The following DPY19L1 variants were observed in gnomAD, a reference collection of about 807,000 sequenced individuals.
The protein encoded by DPY19L1 is protein C-mannosyl-transferase DPY19L1.
In DPY19L1, 35 loss-of-function variants were observed where a neutral mutation model predicts 96.9. The observed-to-expected ratio is 0.36, with a 90% confidence interval of 0.28 to 0.48. The LOEUF is 0.48. Ranked by LOEUF, DPY19L1 falls within the 20% of genes least tolerant of loss-of-function variation. The pLI is 0.99. For synonymous variants in DPY19L1, 205 were observed against 252.6 expected (o/e 0.81, Z 1.79); for missense variants, 521 against 777.9 (o/e 0.67, Z 3.93).
At chr7:35,008,493 A>T (rs1440208889) in intron 6 of DPY19L1, among the ~76,000 whole-genome samples, 1 of 152,204 alleles carries the variant, frequency 6.6e-6, no homozygotes, top group Non-Finnish European at 1.5e-5. Context: ...CATTACAAGA[A>T]AATGTGAATG....
chr7:35,022,955 T>C (rs1356288128), intron 1 of DPY19L1, among the ~76,000 whole-genome samples: 11 of 152,022 alleles, frequency 7.2e-5, no homozygotes, highest in Middle Eastern at 3.4e-3. Flanking sequence ...CTCGGAGAGA[T>C]TTCCCTGTCC....
At chr7:34,978,461 A>T (rs1784873809) in intron 7 of DPY19L1, among the ~76,000 whole-genome samples, 1 of 152,180 alleles carries the variant, frequency 6.6e-6, no homozygotes, top group South Asian at 2.1e-4. Context: ...CTCTTCAGAG[A>T]ATGTTATAGG....
In DPY19L1 at chr7:35,037,284, C is replaced by A; in HGVS notation, c.111G>T (p.Glu37Asp). The A allele has an allele frequency of 3.0e-6, 1 of 335,126 alleles. No homozygotes were observed. 20.8% of individuals were successfully genotyped at this position (335,126 alleles called of 1,614,324 possible). ...LRGASDVGAG[E>D]PGPERAPLSP... ...ACAGGGGCGCGCGCTCGGGCCCCGG[C>A]TCCCCGGCGCCGACGTCCGACGCCC... The change falls in exon 1 of 22, where the codon GAG (glutamate) becomes GAT (aspartate). Residue 37 changes from glutamate (E) to aspartate (D), a missense_variant. Transcript: ENST00000638088.
chr7:34,984,140 G>A (rs1442589874), intron 7 of DPY19L1, among the ~76,000 whole-genome samples: 1 of 152,108 alleles, frequency 6.6e-6, no homozygotes, highest in Admixed American at 6.6e-5. Flanking sequence ...TTTTTAGACA[G>A]ACAAAAACTA....
At chr7:35,001,264 T>C (rs542916439) in intron 6 of DPY19L1, among the ~76,000 whole-genome samples, 115 of 152,378 alleles carry the variant, frequency 7.5e-4, no homozygotes, top group South Asian at 2.3e-3. Context: ...AAATACTTCC[T>C]AAATTGGTAA....
chr7:34,992,233 G>A (rs1266211783), intron 6 of DPY19L1, among the ~76,000 whole-genome samples: 5 of 152,098 alleles, frequency 3.3e-5, no homozygotes, highest in Non-Finnish European at 5.9e-5. Context: ...GCATTTTAGT[G>A]TTTTGTTTTG....
chr7:35,002,113 G>A (rs532806224), intron 6 of DPY19L1, among the ~76,000 whole-genome samples: 21 of 133,720 alleles, frequency 1.6e-4, no homozygotes, highest in South Asian at 1.2e-3. Context: ...GTAACAGAGC[G>A]AGACTCCAGC....
chr7:35,031,078 T>A (rs931188498), intron 1 of DPY19L1, among the ~76,000 whole-genome samples: 1 of 152,164 alleles, frequency 6.6e-6, no homozygotes, highest in Non-Finnish European at 1.5e-5. Context: ...ATTAAACATA[T>A]GAATAATAAA....
At chr7:35,017,411 C>T (rs1785879664) in intron 3 of DPY19L1, among the ~76,000 whole-genome samples, 2 of 149,142 alleles carry the variant, frequency 1.3e-5, no homozygotes, top group South Asian at 2.1e-4. Flanking sequence ...AGGAGAATGG[C>T]GTGAACCCGG....
intron 15 of DPY19L1, 115 bp downstream of exon 15, chr7:34,947,515 C>T: frequency 1.3e-6 from 1 of 748,088 alleles, no homozygotes; most frequent in Non-Finnish European, 2.2e-6. Context: ...GAATATGTTA[C>T]AGTAAGCCCA....
chr7:35,006,514 C>G (rs1446393323), intron 6 of DPY19L1, among the ~76,000 whole-genome samples: 1 of 152,196 alleles, frequency 6.6e-6, no homozygotes, highest in South Asian at 2.1e-4. Context: ...TTTCCACACA[C>G]TGGGTCTTAA....
intron 7 of DPY19L1, 40 bp downstream of exon 7, chr7:34,989,843 AT>A: frequency 6.6e-7 from 1 of 1,508,342 alleles, no homozygotes; most frequent in Non-Finnish European, 9.0e-7. Context: ...AGAAAACTGC[AT>A]TTCCAGAAGT....
In DPY19L1 at chr7:34,929,663, C is replaced by T. The variant is rs776015751; in HGVS notation, c.*1910G>A. The T allele has an allele frequency of 1.3e-5, 2 of 152,198 alleles. No individual in the cohort carries two copies. Among genetic ancestry groups the T allele is most frequent in the Non-Finnish European group, 2.9e-5 (2 of 68,028 alleles). The allele number at this position is 152,198 out of a possible 1,614,324, so 9.4% of individuals were successfully genotyped here. Reference sequence around the variant, plus strand: ...GCAACAATCACAGATAAGCAGCGCGCACCTCCCTCTCCCTGCTCATGTCAA... The same window carrying T: ...GCAACAATCACAGATAAGCAGCGCGTACCTCCCTCTCCCTGCTCATGTCAA... On this transcript the variant is annotated 3_prime_UTR_variant, in exon 22 of 22. Coordinates refer to ENST00000638088, the MANE Select transcript of DPY19L1 (RefSeq NM_001366673.1).
In DPY19L1 at chr7:35,030,507, C is replaced by T. The variant is rs1044872335; in HGVS notation, c.298+6590G>A. ...CTGTAAGTGGTCTTGGTGACAGCTACGCTATTATGTTAACAATTGCTGCTT... is the reference window on the plus strand; with the variant it reads ...CTGTAAGTGGTCTTGGTGACAGCTATGCTATTATGTTAACAATTGCTGCTT... On this transcript the variant is annotated intron_variant, in intron 1 of 21. Transcript: ENST00000638088. 1.1e-4 allele frequency among the ~76,000 whole-genome samples: 16 copies of T among 152,122 alleles called. 1 individual carries two copies. Among genetic ancestry groups the T allele is most frequent in the Non-Finnish European group, 4.4e-5 (3 of 68,016 alleles).
chr7:34,999,769 C>A (rs184827445), intron 6 of DPY19L1, among the ~76,000 whole-genome samples: 3 of 152,014 alleles, frequency 2.0e-5, no homozygotes, highest in African/African-American at 7.3e-5. Flanking sequence ...ATACAGAACA[C>A]CAAGGAAAAC....
At chr7:35,031,252 G>A (rs1786253111) in intron 1 of DPY19L1, among the ~76,000 whole-genome samples, 1 of 152,158 alleles carries the variant, frequency 6.6e-6, no homozygotes, top group Non-Finnish European at 1.5e-5. Flanking sequence ...CTGAACACAT[G>A]CAGATATTAT....
At chr7:34,933,333 G>A (rs1247974208) in intron 21 of DPY19L1, among the ~76,000 whole-genome samples, 1 of 152,186 alleles carries the variant, frequency 6.6e-6, no homozygotes, top group Non-Finnish European at 1.5e-5. Flanking sequence ...CCATTATTAT[G>A]CTTCGCATCC....
chr7:34,935,011 G>A (rs772595380), intron 21 of DPY19L1, among the ~76,000 whole-genome samples: 68 of 152,186 alleles, frequency 4.5e-4, no homozygotes. Context: ...TTCCCATGAA[G>A]AGGGCTCAAG....
At chr7:35,011,232 T>C (rs1785703013) in intron 5 of DPY19L1, 98 bp downstream of exon 5, 1 of 1,394,624 alleles carries the variant, frequency 7.2e-7, no homozygotes, top group Non-Finnish European at 9.9e-7. Flanking sequence ...AAAATGGGTG[T>C]TGTTTATACC....
Sources: gnomAD v4.1 joint callset for allele counts (sites outside exome capture counted in the v4.1 genomes callset) on GRCh38, gnomAD v4.1.1 for gene constraint, MANE v1.5 for transcripts, NCBI Gene and HGNC (gene_info 2026-07-23, HGNC 2026-07-21) for gene names.